Variants in PRKAA1 observed in about 807,000 individuals in gnomAD.
The protein encoded by PRKAA1 is 5'-AMP-activated protein kinase catalytic subunit alpha-1.
PRKAA1 carries 23 observed loss-of-function variants against 56.9 expected under a neutral mutation model. The observed-to-expected ratio is 0.40, with a 90% CI of 0.29 to 0.57. The LOEUF (loss-of-function observed/expected upper bound fraction) is 0.57. PRKAA1 is among the 20% of genes least tolerant of loss of function. The pLI is 0.39. For synonymous variants in PRKAA1, 226 were observed against 227.0 expected, an observed-to-expected ratio of 1.00 and a Z score of 0.04; for missense variants, 413 against 679.7, an observed-to-expected ratio of 0.61 and a Z score of 4.36.
intron 1 of PRKAA1, 118 bp from the exon 2 acceptor site, chr5:40,777,704 C>CAGGCG: frequency 2.1e-6 from 2 of 932,698 alleles, no homozygotes; most frequent in Non-Finnish European, 3.1e-6. Flanking sequence ...GAGGCCGAGG[C>CAGGCG]GAGTAGATCA....
At chr5:40,790,798 A>G (rs1412504525) in intron 1 of PRKAA1, among the ~76,000 whole-genome samples, 3 of 152,002 alleles carry the variant, frequency 2.0e-5, no homozygotes, top group Non-Finnish European at 2.9e-5. Flanking sequence ...TTAGCCTCCC[A>G]AAAGTGCTGG....
chr5:40,781,393 A>C (rs1173527508), intron 1 of PRKAA1, among the ~76,000 whole-genome samples: 1 of 152,134 alleles, frequency 6.6e-6, no homozygotes, highest in African/African-American at 2.4e-5. Context: ...AAAATCAGGA[A>C]GAAACCCAAG....
intron 1 of PRKAA1, among the ~76,000 whole-genome samples, chr5:40,792,183 CT>C (rs1171710940): frequency 2.0e-5 from 3 of 152,182 alleles, no homozygotes; most frequent in African/African-American, 7.2e-5. Context: ...AGATTTGCCC[CT>C]GCCTTTTATA....
intron 3 of PRKAA1, chr5:40,774,788 T>C: frequency 3.3e-6 from 2 of 603,912 alleles, no homozygotes; most frequent in Non-Finnish European, 5.7e-6. Context: ...AAAGGGGCTT[T>C]TGCATACCAC....
rs1743156218 is a variant in PRKAA1 at position 40,760,870 on chromosome 5, G to A, written c.*1908C>T. 6.6e-6 allele frequency: 1 copy of A among 152,254 alleles called. No individual in the cohort carries two copies. Among genetic ancestry groups the A allele is most frequent in the African/African-American group, 2.4e-5 (1 of 41,416 alleles). 9.4% of individuals were successfully genotyped at this position (152,254 alleles called of 1,614,324 possible). A position where few individuals can be genotyped will look rare whatever the true frequency, so the allele number is the denominator to read the frequency against. ...AAAATAGAAAAAATATAGCTCTGTT[G>A]CAATGGGAAAATGATTAATACAAAA... On this transcript the variant is annotated 3_prime_UTR_variant, in exon 9 of 9. Coordinates refer to ENST00000397128, the MANE Select transcript of PRKAA1 (RefSeq NM_006251.6).
Position 40,764,911 on chromosome 5 carries a change from TG to T in PRKAA1, c.1148del (p.Pro383GlnfsTer10). ...ERVPFLVAET[P>X]RARHTLDELN... The stretch of plus-strand genomic sequence containing the variant: ...ATTCATCAAGGGTATGGCGTGCCCT[TG>T]GTGTTTCAGCAACCAAGAATGGTAC... On this transcript the variant is annotated frameshift_variant, in exon 7 of 9. Transcript: ENST00000397128. LOFTEE classifies it high-confidence loss of function. 1 of 1,614,162 alleles carries T rather than the reference TG, an allele frequency of 6.2e-7. No homozygotes were observed. The highest frequency in any genetic ancestry group is 8.5e-7 in the Non-Finnish European group (1 of 1,180,012).
At chr5:40,785,601 A>G (rs1478982902) in intron 1 of PRKAA1, among the ~76,000 whole-genome samples, 2 of 152,142 alleles carry the variant, frequency 1.3e-5, no homozygotes, top group African/African-American at 4.8e-5. Flanking sequence ...AAAAACTAAG[A>G]AAGAAAGCAT....
At chr5:40,797,050 A>G (rs1380039882) in intron 1 of PRKAA1, among the ~76,000 whole-genome samples, 4 of 152,210 alleles carry the variant, frequency 2.6e-5, no homozygotes, top group Admixed American at 6.5e-5. Context: ...ACTGTAGAGC[A>G]AGTTTATTTC....
rs1401665344 is a variant in PRKAA1, at chr5:40,759,526, A to T, written c.*3252T>A. On this transcript the variant is annotated 3_prime_UTR_variant, in exon 9 of 9. Transcript: ENST00000397128. ...TACCAACAATTTACAGTTATGTTGT[A>T]TGTGGAATTTCATTCTTGTCAGAAC... is the stretch of plus-strand genomic sequence containing the variant. 6.6e-6 allele frequency: 1 copy of T among 152,354 alleles called. No homozygotes were observed. The highest frequency in any genetic ancestry group is 1.5e-5 in the Non-Finnish European group (1 of 68,034). 9.4% of individuals were successfully genotyped at this position (152,354 alleles called of 1,614,324 possible). A position where few individuals can be genotyped will look rare whatever the true frequency, so the allele number is the denominator to read the frequency against.
At chr5:40,797,982 G>C in intron 1 of PRKAA1, 81 bp downstream of exon 1, 7 of 1,558,140 alleles carry the variant, frequency 4.5e-6, no homozygotes, top group East Asian at 4.9e-5. Context: ...CGCAGCGGGC[G>C]GGGGAGGATG....
chr5:40,773,804 A>C (rs1743861837), intron 3 of PRKAA1, among the ~76,000 whole-genome samples: 1 of 152,198 alleles, frequency 6.6e-6, no homozygotes, highest in South Asian at 2.1e-4. Context: ...TTTTAAACTC[A>C]CCCATATTGG....
chr5:40,797,703 C>T (rs1182688409), intron 1 of PRKAA1, among the ~76,000 whole-genome samples: 1 of 152,238 alleles, frequency 6.6e-6, no homozygotes, highest in Non-Finnish European at 1.5e-5. Context: ...AAGATGCCGC[C>T]TCCCCGGGGA....
chr5:40,780,718 T>C (rs771521453), intron 1 of PRKAA1, among the ~76,000 whole-genome samples: 1 of 152,138 alleles, frequency 6.6e-6, no homozygotes, highest in South Asian at 2.1e-4. Context: ...GATGTTCAAT[T>C]CAGCAGAAGA....
Position 40,769,516 on chromosome 5 carries a change from A to C in PRKAA1, c.509-13T>G. On this transcript the variant is annotated splice_polypyrimidine_tract_variant and intron_variant, in intron 4 of 8. Transcript: ENST00000397128. ...ATGTTTGAAAGACCTGAAAGTGCAC[A>C]AAATCAGCTACTCAAAAGATTTCCC... The C allele has an allele frequency of 6.3e-7, 1 of 1,580,606 alleles. No individual in the cohort carries two copies. The highest frequency in any genetic ancestry group is 8.6e-7 in the Non-Finnish European group (1 of 1,157,386).
At chr5:40,780,892 T>C (rs746195917) in intron 1 of PRKAA1, among the ~76,000 whole-genome samples, 3 of 152,250 alleles carry the variant, frequency 2.0e-5, no homozygotes, top group Non-Finnish European at 4.4e-5. Flanking sequence ...CTTTAACAAG[T>C]TTCTAGGTAT....
rs542058409 is a variant in PRKAA1 at position 40,770,307 on chromosome 5, T to TA, written c.509-805dup. On this transcript the variant is annotated intron_variant, in intron 4 of 8. Transcript: ENST00000397128. ...GTGATTCCCCATCTCCACCAAAAAT[T>TA]AAAAAAAACATAGCTGCATGTGGTG... Among the ~76,000 whole-genome samples the TA allele has an allele frequency of 6.6e-3, 1,005 of 151,488 alleles. 7 individuals carry two copies. Among genetic ancestry groups the TA allele is most frequent in the African/African-American group, 0.022 (896 of 41,292 alleles).
At chr5:40,795,034 C>CACACACACAA (rs545110871) in intron 1 of PRKAA1, among the ~76,000 whole-genome samples, 1 of 145,924 alleles carries the variant, frequency 6.9e-6, no homozygotes, top group Admixed American at 6.8e-5. Context: ...CACACACACA[C>CACACACACAA]AAAATGGAAT....
chr5:40,763,089 T>C, intron 8 of PRKAA1, 67 bp from the exon 9 acceptor site: 1 of 1,542,814 alleles, frequency 6.5e-7, no homozygotes, highest in Non-Finnish European at 8.9e-7. Flanking sequence ...GTAACAGTAT[T>C]GAATTTGCTT....
At position 40,777,587 on chromosome 5, in the gene PRKAA1, C is replaced by T; in HGVS notation, c.128-1G>A. On this transcript the variant is annotated splice_acceptor_variant, in intron 1 of 8. Coordinates refer to ENST00000397128, the MANE Select transcript of PRKAA1 (RefSeq NM_006251.6). LOFTEE classifies it high-confidence loss of function. ...TGCCCAGTCAATTCATGTTTGCCAA[C>T]TGTAAAAGAAGTAATTTAATAAATT... 6.2e-7 allele frequency: 1 copy of T among 1,600,208 alleles called. No individual in the cohort carries two copies. The highest frequency in any genetic ancestry group is 8.5e-7 in the Non-Finnish European group (1 of 1,171,238).
Sources: gnomAD v4.1 joint callset for allele counts (sites outside exome capture counted in the v4.1 genomes callset) on GRCh38, gnomAD v4.1.1 for gene constraint, MANE v1.5 for transcripts, NCBI Gene and HGNC (gene_info 2026-07-23, HGNC 2026-07-21) for gene names.